Variants in PCDHGA9 observed in about 807,000 individuals in gnomAD.
PCDHGA9 encodes protocadherin gamma subfamily A, 9.
PCDHGA9 carries 37 observed loss-of-function variants against 62.5 expected under a neutral mutation model. The ratio of observed to expected loss-of-function variants is 0.59; its 90% confidence interval spans 0.46 to 0.78. PCDHGA9 has a LOEUF of 0.78. PCDHGA9 is among the 30% of genes least tolerant of loss of function. PCDHGA9 has a pLI of 0.00. For synonymous variants in PCDHGA9, 459 were observed against 484.6 expected (o/e 0.95, Z 0.69); for missense variants, 1,138 against 1,166.2 (o/e 0.98, Z 0.35).
chr5:141,490,874 A>C lies in PCDHGA9; in HGVS notation c.2425-3933A>C. 1 of 1,613,948 alleles carries C rather than the reference A, an allele frequency of 6.2e-7. No homozygotes were observed. The highest frequency in any genetic ancestry group is 1.3e-5 in the African/African-American group (1 of 75,054). The stretch of plus-strand genomic sequence containing the variant: ...CGAGACTCCGGCTCTCCCCCATTGC[A>C]TGCCAACACATCTCTGCATGTGTTT... On this transcript the variant is annotated intron_variant, in intron 1 of 3. Coordinates refer to ENST00000573521, the MANE Select transcript of PCDHGA9 (RefSeq NM_018921.3). The surrounding 1 kb of genome is among the most constrained non-coding windows in gnomAD (Gnocchi z 5.4).
chr5:141,438,955 C>T (rs965336489), intron 1 of PCDHGA9, among the ~76,000 whole-genome samples: 3 of 151,926 alleles, frequency 2.0e-5, no homozygotes, highest in Non-Finnish European at 4.4e-5. Flanking sequence ...CATGAGCCAC[C>T]GCACCCTGCC....
intron 1 of PCDHGA9, among the ~76,000 whole-genome samples, chr5:141,474,193 A>C (rs2099345142): frequency 6.6e-6 from 1 of 152,256 alleles, no homozygotes. Context: ...TACATTTTTA[A>C]AAGCTGATTT....
intron 1 of PCDHGA9, chr5:141,413,972 T>G: frequency 6.2e-7 from 1 of 1,613,420 alleles, no homozygotes; most frequent in Non-Finnish European, 8.5e-7. Context: ...ACTCAGCTGC[T>G]GACAGTCACA....
At chr5:141,460,908 T>C (rs550367008) in intron 1 of PCDHGA9, among the ~76,000 whole-genome samples, 2,136 of 133,318 alleles carry the variant, frequency 0.016, 43 homozygotes, top group African/African-American at 0.062. Flanking sequence ...TAATATTCCA[T>C]GGTGTATATA....
rs749781059 is a variant in PCDHGA9 at position 141,477,983 on chromosome 5, C to G, written c.2425-16824C>G. On this transcript the variant is annotated intron_variant, in intron 1 of 3. Coordinates refer to ENST00000573521, the MANE Select transcript of PCDHGA9 (RefSeq NM_018921.3). This position sits in a 1 kb window ranked among gnomAD's most constrained non-coding sequence, Gnocchi z 4.9. ...TAACCAGAGCCTTTTTGCCATAGGG[C>G]TGCACACTGGTCAAATCAGTACTGC... The G allele has an allele frequency of 1.7e-5, 27 of 1,614,126 alleles. No homozygotes were observed. The highest frequency in any genetic ancestry group is 2.3e-5 in the Non-Finnish European group (27 of 1,180,024).
intron 1 of PCDHGA9, among the ~76,000 whole-genome samples, chr5:141,406,087 T>TA (rs113984376): frequency 6.7e-6 from 1 of 148,544 alleles, no homozygotes; most frequent in African/African-American, 2.5e-5. Flanking sequence ...TTTTTTTTTT[T>TA]AAGAGATGGG....
chr5:141,435,181 T>C (rs1249878603), intron 1 of PCDHGA9, among the ~76,000 whole-genome samples: 1 of 152,184 alleles, frequency 6.6e-6, no homozygotes, highest in African/African-American at 2.4e-5. Context: ...TTAACTACAC[T>C]TGAGATGGCT....
intron 1 of PCDHGA9, among the ~76,000 whole-genome samples, chr5:141,407,824 G>C (rs2094986699): frequency 6.6e-6 from 1 of 152,190 alleles, no homozygotes; most frequent in South Asian, 2.1e-4. Context: ...TAATATTATG[G>C]TGAGAGCAAA....
At chr5:141,419,413 C>T (rs568417008) in intron 1 of PCDHGA9, 4 of 1,613,444 alleles carry the variant, frequency 2.5e-6, no homozygotes, top group African/African-American at 1.3e-5. Flanking sequence ...TCGCGCAGCG[C>T]GCCTTCGACC....
At chr5:141,480,398 G>C (rs2099518275) in intron 1 of PCDHGA9, among the ~76,000 whole-genome samples, 1 of 149,050 alleles carries the variant, frequency 6.7e-6, no homozygotes, top group Non-Finnish European at 1.5e-5. Context: ...CATGGCAATA[G>C]AGTGAGACCC....
Position 141,432,530 on chromosome 5 carries a change from G to C in PCDHGA9, c.2424+27154G>C. On this transcript the variant is annotated intron_variant, in intron 1 of 3. Transcript: ENST00000573521. This position sits in a 1 kb window ranked among gnomAD's most constrained non-coding sequence, Gnocchi z 6.0. ...AGAGCCCGGCTACCTGGTGACCAAG[G>C]TGGTGGCGGTGGACAGAGACTCCGG... 6.2e-7 allele frequency: 1 copy of C among 1,614,076 alleles called. No homozygotes were observed. Among genetic ancestry groups the C allele is most frequent in the South Asian group, 1.1e-5 (1 of 91,082 alleles).
intron 1 of PCDHGA9, among the ~76,000 whole-genome samples, chr5:141,447,275 G>A (rs2098532748): frequency 1.3e-5 from 2 of 152,154 alleles, no homozygotes; most frequent in South Asian, 2.1e-4. Context: ...AAGTAGCTGG[G>A]ACTACAGGCA....
intron 1 of PCDHGA9, chr5:141,415,339 C>T (rs776585248): frequency 7.4e-6 from 12 of 1,614,190 alleles, no homozygotes; most frequent in Non-Finnish European, 1.0e-5. Context: ...CAGGCTGCGG[C>T]GCTGGCACAA....
chr5:141,455,833 G>A (rs999291826), intron 1 of PCDHGA9, among the ~76,000 whole-genome samples: 1 of 151,468 alleles, frequency 6.6e-6, no homozygotes, highest in Admixed American at 6.6e-5. Flanking sequence ...CCCTTTTCCT[G>A]TCTATCTGCA....
intron 1 of PCDHGA9, among the ~76,000 whole-genome samples, chr5:141,459,755 G>A (rs1383912891): frequency 2.0e-5 from 3 of 152,182 alleles, no homozygotes; most frequent in African/African-American, 7.2e-5. Flanking sequence ...CAATTCTAGT[G>A]GGTGTGTGAT....
At chr5:141,415,740 G>GTTTTTTTTTTTTTTTGT (rs2095912649) in intron 1 of PCDHGA9, 1 of 515,998 alleles carries the variant, frequency 1.9e-6, no homozygotes, top group Non-Finnish European at 2.6e-6. Flanking sequence ...GTTTATTAAG[G>GTTTTTTTTTTTTTTTGT]TTTTTTTTTT....
At chr5:141,421,088 C>A in intron 1 of PCDHGA9, 2 of 659,434 alleles carry the variant, frequency 3.0e-6, no homozygotes, top group South Asian at 4.0e-5. Flanking sequence ...CTCACAGATC[C>A]TGACACTGGA....
At chr5:141,501,330 CACA>C (rs1301023208) in intron 2 of PCDHGA9, among the ~76,000 whole-genome samples, 82 of 151,502 alleles carry the variant, frequency 5.4e-4, no homozygotes, top group Admixed American at 2.2e-3. Flanking sequence ...CACACACACA[CACA>C]CCCCAAACTC....
At chr5:141,446,208 G>GAT (rs1387839424) in intron 1 of PCDHGA9, among the ~76,000 whole-genome samples, 1 of 152,156 alleles carries the variant, frequency 6.6e-6, no homozygotes, top group Non-Finnish European at 1.5e-5. Context: ...CTAGGTGTCT[G>GAT]AAAATATTGT....
Sources: gnomAD v4.1 joint callset for allele counts (sites outside exome capture counted in the v4.1 genomes callset) on GRCh38, gnomAD v4.1.1 for gene constraint, Gnocchi (gnomAD v3.1) non-coding constraint, MANE v1.5 for transcripts, NCBI Gene and HGNC (gene_info 2026-07-23, HGNC 2026-07-21) for gene names.